The following DAB1 variants were observed in gnomAD, a reference collection of about 807,000 sequenced individuals.
DAB1 encodes disabled homolog 1.
Under a neutral mutation model 64.6 loss-of-function variants are expected in DAB1, and 15 were observed. That is an observed-to-expected ratio of 0.23 (90% CI 0.16 to 0.36). The LOEUF (loss-of-function observed/expected upper bound fraction) is 0.36. DAB1 is among the 10% of genes least tolerant of loss of function. The probability of loss-of-function intolerance (pLI) is 1.00; values close to 1 mark genes in which losing one functional copy is unlikely to be tolerated. For missense variants in DAB1, 596 were observed against 706.7 expected (o/e 0.84, Z 1.78); for synonymous variants, 235 against 251.9 (o/e 0.93, Z 0.64).
chr1:57,986,241 C>T (rs1169413546), intron 5 of DAB1, among the ~76,000 whole-genome samples: 1 of 152,144 alleles, frequency 6.6e-6, no homozygotes, highest in East Asian at 1.9e-4. Flanking sequence ...TATTGAAATC[C>T]TAACCCCTGA....
chr1:58,198,970 G>A (rs1039308881), intron 4 of DAB1, among the ~76,000 whole-genome samples: 11 of 152,128 alleles, frequency 7.2e-5, no homozygotes, highest in African/African-American at 1.9e-4. Context: ...AGCTGGGCAC[G>A]GTGGCGCATG....
intron 3 of DAB1, among the ~76,000 whole-genome samples, chr1:58,373,863 T>C (rs1423843519): frequency 1.3e-5 from 2 of 150,496 alleles, no homozygotes; most frequent in Non-Finnish European, 3.0e-5. Flanking sequence ...TTTTTAATGA[T>C]TGCCATTCTA....
intron 5 of DAB1, among the ~76,000 whole-genome samples, chr1:58,119,996 T>C (rs1267149639): frequency 1.3e-5 from 2 of 152,084 alleles, no homozygotes; most frequent in Non-Finnish European, 1.5e-5. Context: ...TTTGGAAAAG[T>C]GGATATGCCT....
intron 1 of DAB1, chr1:57,860,455 T>C (rs1329245873): frequency 6.6e-6 from 1 of 152,192 alleles, no homozygotes; most frequent in Non-Finnish European, 1.5e-5. Context: ...TAGTCTCCAT[T>C]GTGTCCAAGA....
rs755053923 is a variant in DAB1 at position 57,493,361 on chromosome 1, C to T, written n.625+156231G>A. On this transcript the variant is annotated intron_variant and non_coding_transcript_variant, in intron 7 of 20. Transcript: ENST00000485760. ...TCTCTCTAAATTTAGCTATATTGGGCAACTTGTATGAGTAGGAATGTACAG... is the reference window on the plus strand; with the variant it reads ...TCTCTCTAAATTTAGCTATATTGGGTAACTTGTATGAGTAGGAATGTACAG... Among the ~76,000 whole-genome samples, 169 of 152,118 alleles carry T rather than the reference C, an allele frequency of 1.1e-3. 1 individual carries two copies. The highest frequency in any genetic ancestry group is 2.1e-3 in the Non-Finnish European group (145 of 67,994).
At chr1:57,871,761 T>C (rs1162331523) in intron 1 of DAB1, among the ~76,000 whole-genome samples, 1 of 152,188 alleles carries the variant, frequency 6.6e-6, no homozygotes, top group African/African-American at 2.4e-5. Flanking sequence ...ATAGAATCCT[T>C]CTGTGGTTTC....
rs986156096 is a variant in DAB1 at position 58,058,701 on chromosome 1, G to T, written n.387+91810C>A. 2.0e-5 allele frequency among the ~76,000 whole-genome samples: 3 copies of T among 152,228 alleles called. No homozygotes were observed. The East Asian group carries it at 5.8e-4, about 29-fold the overall frequency. On this transcript the variant is annotated intron_variant and non_coding_transcript_variant, in intron 5 of 20. Coordinates refer to the DAB1 transcript ENST00000485760. The stretch of plus-strand genomic sequence containing the variant: ...CTTGGATAAGCAAAATCTCATCACA[G>T]AAAGATGTGCATCCTCTCTCCTAAC...
chr1:57,207,592 C>G (rs544009283), intron 2 of DAB1, among the ~76,000 whole-genome samples: 1 of 148,066 alleles, frequency 6.8e-6, no homozygotes, highest in Non-Finnish European at 1.5e-5. Context: ...TACAGGCGCC[C>G]GCCACTACGC....
intron 2 of DAB1, among the ~76,000 whole-genome samples, chr1:57,168,357 C>T (rs1414367679): frequency 2.6e-5 from 4 of 152,220 alleles, no homozygotes; most frequent in African/African-American, 7.2e-5. Context: ...AAATTCCCTG[C>T]TCTTGTGGAG....
chr1:57,594,780 G>A (rs1030342745), intron 7 of DAB1, among the ~76,000 whole-genome samples: 16 of 151,982 alleles, frequency 1.1e-4, no homozygotes, highest in African/African-American at 3.9e-4. Context: ...GCGCCATCTC[G>A]GCTCACTGCA....
At chr1:57,593,843 T>C (rs1233336309) in intron 7 of DAB1, among the ~76,000 whole-genome samples, 2 of 152,230 alleles carry the variant, frequency 1.3e-5, no homozygotes, top group East Asian at 3.9e-4. Flanking sequence ...TCTTTACAAC[T>C]AGGAATCTTA....
At chr1:58,184,243 T>C (rs1161021401) in intron 4 of DAB1, among the ~76,000 whole-genome samples, 1 of 150,494 alleles carries the variant, frequency 6.6e-6, no homozygotes, top group Non-Finnish European at 1.5e-5. Context: ...CAATATCAGT[T>C]TTATTATTAA....
chr1:57,705,841 A>C (rs1646959958), intron 6 of DAB1, among the ~76,000 whole-genome samples: 1 of 149,314 alleles, frequency 6.7e-6, no homozygotes, highest in African/African-American at 2.5e-5. Context: ...CTTAATACGT[A>C]TCTTTGGACT....
At position 57,917,315 on chromosome 1, in the gene DAB1, C is replaced by G. The variant is rs142856801; in HGVS notation, n.388-33153G>C. On this transcript the variant is annotated intron_variant and non_coding_transcript_variant, in intron 5 of 20. Coordinates refer to the DAB1 transcript ENST00000485760. ...TGAGGTGTTCCTAAAGGATCCCAGA[C>G]AGCCCTGGTGTCAGCCGACTGTACT... is the stretch of plus-strand genomic sequence containing the variant. Among the ~76,000 whole-genome samples the G allele has an allele frequency of 6.8e-3, 1,031 of 152,310 alleles. 12 individuals carry two copies. The highest frequency in any genetic ancestry group is 0.024 in the African/African-American group (991 of 41,566).
intron 1 of DAB1, among the ~76,000 whole-genome samples, chr1:57,371,223 G>A (rs993019057): frequency 5.3e-5 from 8 of 152,166 alleles, no homozygotes; most frequent in Admixed American, 1.3e-4. Flanking sequence ...TTTCAAACGA[G>A]GCAAAGTAAA....
chr1:57,405,853 C>T (rs1004133515), intron 1 of DAB1, among the ~76,000 whole-genome samples: 7 of 152,176 alleles, frequency 4.6e-5, no homozygotes, highest in Non-Finnish European at 1.5e-5. Context: ...TCTTAGATTG[C>T]TCTTTGACCC....
At chr1:57,750,639 A>T (rs1344915995) in intron 6 of DAB1, among the ~76,000 whole-genome samples, 1 of 152,186 alleles carries the variant, frequency 6.6e-6, no homozygotes, top group Non-Finnish European at 1.5e-5. Context: ...AACTCTTGGC[A>T]AGTCTGTTAA....
At chr1:57,898,642 G>A (rs951707325) in intron 5 of DAB1, among the ~76,000 whole-genome samples, 2 of 152,098 alleles carry the variant, frequency 1.3e-5, no homozygotes, top group African/African-American at 4.8e-5. Flanking sequence ...CTCTTGCCTG[G>A]GTTCCAACCC....
intron 4 of DAB1, among the ~76,000 whole-genome samples, chr1:57,092,680 T>A (rs1338514468): frequency 1.6e-4 from 8 of 50,056 alleles, no homozygotes; most frequent in South Asian, 8.5e-4. Context: ...GGGAGGGGGG[T>A]GGGGGGGCAT....
Sources: gnomAD v4.1 joint callset for allele counts (sites outside exome capture counted in the v4.1 genomes callset) on GRCh38, gnomAD v4.1.1 for gene constraint, MANE v1.5 for transcripts, NCBI Gene and HGNC (gene_info 2026-07-23, HGNC 2026-07-21) for gene names.